The following PHACTR2 variants were observed in gnomAD, a reference collection of about 807,000 sequenced individuals.
PHACTR2 encodes the protein phosphatase and actin regulator 2, also known as chromosome 6 open reading frame 56.
PHACTR2 carries 30 observed loss-of-function variants against 76.0 expected under a neutral mutation model. The observed-to-expected ratio is 0.39, with a 90% CI of 0.30 to 0.54. The LOEUF (loss-of-function observed/expected upper bound fraction) is 0.54, where lower values mean the gene tolerates loss of function less well. Ranked by LOEUF, PHACTR2 falls within the 20% of genes least tolerant of loss-of-function variation. The pLI is 0.61. For missense variants in PHACTR2, 696 were observed against 781.1 expected (o/e 0.89, Z 1.30); for synonymous variants, 292 against 292.5 (o/e 1.00, Z 0.02).
intron 1 of PHACTR2, among the ~76,000 whole-genome samples, chr6:143,637,885 T>C (rs1890404): frequency 0.39 from 59,147 of 152,128 alleles, 12,474 homozygotes; most frequent in Non-Finnish European, 0.48. Flanking sequence ...TCACCTTTGC[T>C]ATGTTCTAGT....
At chr6:143,681,865 G>T (rs535756227) in intron 1 of PHACTR2, among the ~76,000 whole-genome samples, 6 of 152,232 alleles carry the variant, frequency 3.9e-5, no homozygotes, top group African/African-American at 1.4e-4. Context: ...GTGTTCCACC[G>T]TTGCCAAAAA....
At chr6:143,605,930 G>A (rs1775864306), upstream of PHACTR2, among the ~76,000 whole-genome samples, 1 of 152,132 alleles carries the variant, frequency 6.6e-6, no homozygotes, top group African/African-American at 2.4e-5. This position sits in a 1 kb window ranked among gnomAD's most constrained non-coding sequence, Gnocchi z 5.0. Context: ...ATTAAATCCA[G>A]CTAATTAACA....
At chr6:143,575,415 T>C (rs1775494459) in intron 1 of PHACTR2, among the ~76,000 whole-genome samples, 1 of 152,260 alleles carries the variant, frequency 6.6e-6, no homozygotes, top group Non-Finnish European at 1.5e-5. Flanking sequence ...AGTCTTTATA[T>C]GAATGATCTG....
chr6:143,700,511 C>T lies in PHACTR2; in HGVS notation c.47-11505C>T, dbSNP rs1316596569. On this transcript the variant is annotated intron_variant, in intron 1 of 12. Coordinates refer to ENST00000440869, the MANE Select transcript of PHACTR2 (RefSeq NM_001100164.2). The surrounding 1 kb of genome is among the most constrained non-coding windows in gnomAD (Gnocchi z 4.1). ...CGGAGGTTGCAGTGAGCTGAGATCTCACCACTGCACTCCATCTGGGTGACA... is the reference window on the plus strand; with the variant it reads ...CGGAGGTTGCAGTGAGCTGAGATCTTACCACTGCACTCCATCTGGGTGACA... 6.6e-6 allele frequency among the ~76,000 whole-genome samples: 1 copy of T among 152,120 alleles called. No individual in the cohort carries two copies. Among genetic ancestry groups the T allele is most frequent in the Non-Finnish European group, 1.5e-5 (1 of 68,020 alleles).
rs1021691822 is a variant in PHACTR2 at position 143,742,667 on chromosome 6, A to G, written c.215-6318A>G. Among the ~76,000 whole-genome samples the G allele has an allele frequency of 3.9e-5, 6 of 152,174 alleles. No individual in the cohort carries two copies. The highest frequency in any genetic ancestry group is 5.9e-5 in the Non-Finnish European group (4 of 68,018). ...GGGAATGTGGCTTCCCAAAGGAAAA[A>G]TGTCAGGAAGGCCATTTCTAAAAGA... is the stretch of plus-strand genomic sequence containing the variant. On this transcript the variant is annotated intron_variant, in intron 2 of 12. Coordinates refer to ENST00000440869, the MANE Select transcript of PHACTR2 (RefSeq NM_001100164.2). The surrounding 1 kb of genome is among the most constrained non-coding windows in gnomAD (Gnocchi z 4.5).
rs1040403400 is a variant in PHACTR2 at position 143,541,332 on chromosome 6, A to G, written c.217+4125A>G. Among the ~76,000 whole-genome samples, 4 of 152,250 alleles carry G rather than the reference A, an allele frequency of 2.6e-5. No homozygotes were observed. Among genetic ancestry groups the G allele is most frequent in the African/African-American group, 7.2e-5 (3 of 41,470 alleles). On this transcript the variant is annotated intron_variant, in intron 1 of 11. Coordinates refer to the PHACTR2 transcript ENST00000367584. This position sits in a 1 kb window ranked among gnomAD's most constrained non-coding sequence, Gnocchi z 5.3. ...AGACACACAGCCAGGGGCATAGACC[A>G]TGTAAAGATTCAGCAAGTACCGACT...
At chr6:143,630,381 T>A (rs1007763866) in intron 1 of PHACTR2, among the ~76,000 whole-genome samples, 3 of 151,862 alleles carry the variant, frequency 2.0e-5, no homozygotes, top group Admixed American at 6.6e-5. Flanking sequence ...CATGTTTAAA[T>A]TAAATACAAT....
In PHACTR2 at chr6:143,765,076, G is replaced by A. The variant is rs1779525607; in HGVS notation, c.695-185G>A. On this transcript the variant is annotated intron_variant, in intron 5 of 12. Transcript: ENST00000440869. This position sits in a 1 kb window ranked among gnomAD's most constrained non-coding sequence, Gnocchi z 4.1. ...CCGTAAATATCACTTGCTCCTTGCT[G>A]GATTGGAGGAAGGGAGGGGCAGAAG... Among the ~76,000 whole-genome samples, 1 of 152,108 alleles carries A rather than the reference G, an allele frequency of 6.6e-6. No individual in the cohort carries two copies. The highest frequency in any genetic ancestry group is 1.9e-4 in the East Asian group (1 of 5,194).
In PHACTR2 at chr6:143,806,103, G is replaced by A. The variant is rs184843274; in HGVS notation, c.1846-954G>A. Among the ~76,000 whole-genome samples the A allele has an allele frequency of 4.5e-3, 679 of 152,244 alleles. 7 individuals are homozygous for A. The highest frequency in any genetic ancestry group is 0.01 in the Middle Eastern group (3 of 294). ...AAACATGAGTAAAACATTCTTTATA[G>A]AGAAGTTAGGAAATAAAAATAAGCA... On this transcript the variant is annotated intron_variant, in intron 11 of 12. Coordinates refer to ENST00000440869, the MANE Select transcript of PHACTR2 (RefSeq NM_001100164.2). This position sits in a 1 kb window ranked among gnomAD's most constrained non-coding sequence, Gnocchi z 5.8.
Position 143,753,779 on chromosome 6 carries a change from A to G in PHACTR2, c.321A>G (p.Glu107=). 1 of 1,600,758 alleles carries G rather than the reference A, an allele frequency of 6.2e-7. No homozygotes were observed. Among genetic ancestry groups the G allele is most frequent in the South Asian group, 1.1e-5 (1 of 88,020 alleles). Residue 107 remains glutamate, a synonymous_variant, in exon 4 of 13, where the codon GAA becomes GAG. Coordinates refer to ENST00000440869, the MANE Select transcript of PHACTR2 (RefSeq NM_001100164.2). This position sits in a 1 kb window ranked among gnomAD's most constrained non-coding sequence, Gnocchi z 4.6. The part of the protein sequence containing the change: ...DQDGDVTVNF[E]NSNGHMIPIG... ...ATGGAGATGTAACAGTTAACTTTGA[A>G]AATTCAAACGGGCACATGATACCCA...
In PHACTR2 at chr6:143,780,536, C is replaced by G. The variant is rs533138183; in HGVS notation, c.1646-2683C>G. ...CCACAAAAAAATTTGGCTTTTTGAACCCATTTTATCTGAATTAACAACTCA... is the reference window on the plus strand; with the variant it reads ...CCACAAAAAAATTTGGCTTTTTGAAGCCATTTTATCTGAATTAACAACTCA... On this transcript the variant is annotated intron_variant, in intron 9 of 12. Transcript: ENST00000440869. The surrounding 1 kb of genome is among the most constrained non-coding windows in gnomAD (Gnocchi z 4.4). Among the ~76,000 whole-genome samples the G allele has an allele frequency of 6.6e-6, 1 of 152,296 alleles. No homozygotes were observed. The highest frequency in any genetic ancestry group is 2.1e-4 in the South Asian group (1 of 4,828).
chr6:143,778,149 G>A (rs1775328620), intron 9 of PHACTR2, among the ~76,000 whole-genome samples: 1 of 152,164 alleles, frequency 6.6e-6, no homozygotes, highest in Non-Finnish European at 1.5e-5. Context: ...TGTTAACCCA[G>A]TTTCAAAAGA....
At position 143,705,848 on chromosome 6, in the gene PHACTR2, C is replaced by T. The variant is rs1253094553; in HGVS notation, c.47-6168C>T. ...CCCTTTCTCCTCTCTTTCCATACTG[C>T]ACTCTTTGGAAGGAAGTCACTATGG... On this transcript the variant is annotated intron_variant, in intron 1 of 12. Coordinates refer to ENST00000440869, the MANE Select transcript of PHACTR2 (RefSeq NM_001100164.2). Among the ~76,000 whole-genome samples the T allele has an allele frequency of 2.0e-5, 3 of 152,288 alleles. No individual in the cohort carries two copies. In the East Asian group the frequency reaches 5.8e-4, roughly 29 times the overall value.
rs2128436966 is a variant in PHACTR2 at position 143,608,359 on chromosome 6, G to T, written c.13+37G>T. On this transcript the variant is annotated intron_variant, in intron 1 of 11. Coordinates refer to the PHACTR2 transcript ENST00000305766. The surrounding 1 kb of genome is among the most constrained non-coding windows in gnomAD (Gnocchi z 4.6). ...AAGCATGAATTCTTCATAGCTGCTG[G>T]CTTCCTTTGCAGCCCGCATCCTTTA... The T allele has an allele frequency of 6.2e-7, 1 of 1,609,542 alleles. No homozygotes were observed. The highest frequency in any genetic ancestry group is 8.5e-7 in the Non-Finnish European group (1 of 1,175,934).
At position 143,774,326 on chromosome 6, in the gene PHACTR2, C is replaced by A; in HGVS notation, c.1589+111C>A. On this transcript the variant is annotated intron_variant, in intron 8 of 12. Transcript: ENST00000440869. This position sits in a 1 kb window ranked among gnomAD's most constrained non-coding sequence, Gnocchi z 5.4. ...ATTCCTTATGTACAGATACATCTGG[C>A]CTACTGGGTCTTTTAAAGTTGGTCT... 2 of 730,204 alleles carry A rather than the reference C, an allele frequency of 2.7e-6. No homozygotes were observed. The highest frequency in any genetic ancestry group is 4.3e-6 in the Non-Finnish European group (2 of 466,180). The allele number at this position is 730,204 out of a possible 1,614,324, so 45.2% of individuals were successfully genotyped here. A position where few individuals can be genotyped will look rare whatever the true frequency, so the allele number is the denominator to read the frequency against.
At chr6:143,744,547 A>G (rs1420752830) in intron 2 of PHACTR2, among the ~76,000 whole-genome samples, 1 of 152,150 alleles carries the variant, frequency 6.6e-6, no homozygotes, top group African/African-American at 2.4e-5. Context: ...GACTTCCACT[A>G]AGGTGACCTT....
chr6:143,686,107 G>A (rs1777514194), intron 1 of PHACTR2, among the ~76,000 whole-genome samples: 1 of 150,274 alleles, frequency 6.7e-6, no homozygotes, highest in Admixed American at 6.6e-5. Flanking sequence ...ACTCCAGCCT[G>A]GACGACAGAG....
At chr6:143,540,696 C>T (rs973174965) in intron 1 of PHACTR2, among the ~76,000 whole-genome samples, 1 of 141,428 alleles carries the variant, frequency 7.1e-6, no homozygotes, top group Non-Finnish European at 1.5e-5. Context: ...AATGCAAGTG[C>T]TTTATCAGAA....
In PHACTR2 at chr6:143,760,624, C is replaced by T; in HGVS notation, c.678C>T (p.Asn226=). ...PVPPPKPASR[N]TTREAAGSSH... ...CTCCACCCAAGCCAGCAAGCCGAAA[C>T]ACGACCCGAGAGGCTGGTGAGTATG... The change falls in exon 5 of 13, where the codon AAC becomes AAT. Residue 226 remains asparagine (N), a synonymous_variant. Transcript: ENST00000440869. The surrounding 1 kb of genome is among the most constrained non-coding windows in gnomAD (Gnocchi z 6.4). 1.9e-6 allele frequency: 3 copies of T among 1,613,898 alleles called. No individual in the cohort carries two copies. The highest frequency in any genetic ancestry group is 2.5e-6 in the Non-Finnish European group (3 of 1,179,856).
Sources: gnomAD v4.1 joint callset for allele counts (sites outside exome capture counted in the v4.1 genomes callset) on GRCh38, gnomAD v4.1.1 for gene constraint, Gnocchi (gnomAD v3.1) non-coding constraint, MANE v1.5 for transcripts, NCBI Gene and HGNC (gene_info 2026-07-23, HGNC 2026-07-21) for gene names.